The following PLEKHA2 variants were observed in gnomAD, a reference collection of about 807,000 sequenced individuals.
PLEKHA2 encodes the protein pleckstrin homology domain-containing family A member 2.
A neutral mutation model predicts 53.2 loss-of-function variants in PLEKHA2; 28 were observed. The ratio of observed to expected loss-of-function variants is 0.53; its 90% CI spans 0.39 to 0.72. The LOEUF (loss-of-function observed/expected upper bound fraction) is 0.72. Ranked by LOEUF, PLEKHA2 falls within the 30% of genes least tolerant of loss-of-function variation. The pLI is 0.00. For synonymous variants in PLEKHA2, 193 were observed against 196.4 expected, an observed-to-expected ratio of 0.98 and a Z score of 0.14; for missense variants, 426 against 537.9, an observed-to-expected ratio of 0.79 and a Z score of 2.06.
chr8:38,958,461 G>A (rs1406752841), intron 10 of PLEKHA2, among the ~76,000 whole-genome samples: 1 of 152,200 alleles, frequency 6.6e-6, no homozygotes, highest in African/African-American at 2.4e-5. Context: ...TCCCTGTTAA[G>A]CAACCTCCCT....
At chr8:38,952,803 A>C in intron 8 of PLEKHA2, 99 bp downstream of exon 8, 1 of 1,254,280 alleles carries the variant, frequency 8.0e-7, no homozygotes, top group Non-Finnish European at 1.1e-6. Flanking sequence ...AGATGTGGGC[A>C]CACAAAGACT....
intron 10 of PLEKHA2, 71 bp from the exon 11 acceptor site, chr8:38,968,521 T>G: frequency 1.4e-6 from 2 of 1,441,834 alleles, no homozygotes; most frequent in Non-Finnish European, 2.0e-6. Context: ...AACTTAATAT[T>G]GAGTCAGAGA....
intron 1 of PLEKHA2, among the ~76,000 whole-genome samples, chr8:38,908,100 T>G (rs1173507709): frequency 6.6e-6 from 1 of 152,204 alleles, no homozygotes; most frequent in Non-Finnish European, 1.5e-5. Flanking sequence ...GGTCCCCATT[T>G]CCTTTTCCCA....
At chr8:38,913,436 C>T (rs142268054) in intron 1 of PLEKHA2, among the ~76,000 whole-genome samples, 40 of 151,984 alleles carry the variant, frequency 2.6e-4, no homozygotes, top group Non-Finnish European at 4.7e-4. Context: ...ATTTGAAAGC[C>T]AATGTTCAGC....
intron 2 of PLEKHA2, among the ~76,000 whole-genome samples, chr8:38,920,488 T>A (rs1001436711): frequency 6.6e-6 from 1 of 151,778 alleles, no homozygotes; most frequent in African/African-American, 2.4e-5. Context: ...TTGGCCAGGC[T>A]GGTCTTGAAC....
intron 3 of PLEKHA2, among the ~76,000 whole-genome samples, chr8:38,937,015 C>T (rs2129419332): frequency 6.6e-6 from 1 of 152,306 alleles, no homozygotes. Context: ...TTGTAACAAG[C>T]TTTGGGAGTC....
At chr8:38,935,183 AT>A (rs955772942) in intron 2 of PLEKHA2, among the ~76,000 whole-genome samples, 1 of 151,554 alleles carries the variant, frequency 6.6e-6, no homozygotes, top group Non-Finnish European at 1.5e-5. Context: ...CCGGCTCTAT[AT>A]TTTTAGCAGA....
At chr8:38,968,318 G>A (rs1835178821) in intron 10 of PLEKHA2, among the ~76,000 whole-genome samples, 2 of 152,194 alleles carry the variant, frequency 1.3e-5, no homozygotes, top group African/African-American at 4.8e-5. Flanking sequence ...ATGGACTTCA[G>A]CAGCGGATAG....
At chr8:38,924,540 T>C (rs763637353) in intron 2 of PLEKHA2, among the ~76,000 whole-genome samples, 11 of 152,192 alleles carry the variant, frequency 7.2e-5, no homozygotes, top group Non-Finnish European at 1.3e-4. Context: ...GGGTGAGTCA[T>C]GCCTCAGCCT....
intron 10 of PLEKHA2, among the ~76,000 whole-genome samples, chr8:38,966,876 T>C (rs1468385988): frequency 6.6e-6 from 1 of 152,184 alleles, no homozygotes; most frequent in Non-Finnish European, 1.5e-5. Flanking sequence ...GTCTGGGCTT[T>C]TGCTGTAACC....
intron 3 of PLEKHA2, among the ~76,000 whole-genome samples, chr8:38,941,176 C>T (rs1834605568): frequency 6.6e-6 from 1 of 152,032 alleles, no homozygotes. Flanking sequence ...CCTGCCTCGG[C>T]CTCCCAAGTA....
intron 1 of PLEKHA2, among the ~76,000 whole-genome samples, chr8:38,915,594 G>A (rs899625632): frequency 6.6e-6 from 1 of 152,194 alleles, no homozygotes; most frequent in Admixed American, 6.5e-5. Flanking sequence ...TAAAGACCCT[G>A]TCTCCAAATA....
In PLEKHA2 at chr8:38,969,752, A is replaced by T. The variant is rs1306311480; in HGVS notation, c.1247A>T (p.Asp416Val). Residue 416 changes from aspartate to valine, a missense_variant, in exon 12 of 12, where the codon GAT (aspartate) becomes GTT (valine). Asp to Val is a radical substitution (Grantham distance 152, BLOSUM62 -3). Transcript: ENST00000617275. ...PKEKPFMFNLDDENIRTSDV is the reference protein window; with the variant it reads ...PKEKPFMFNLVDENIRTSDV ...GAGAAGCCGTTTATGTTCAACCTTG[A>T]TGATGAAAACATACGGACCTCTGAT... The T allele has an allele frequency of 3.1e-6, 4 of 1,296,898 alleles. No homozygotes were observed. The highest frequency in any genetic ancestry group is 4.1e-6 in the Non-Finnish European group (4 of 986,438). 80.3% of individuals were successfully genotyped at this position (1,296,898 alleles called of 1,614,324 possible). A position where few individuals can be genotyped will look rare whatever the true frequency, so the allele number is the denominator to read the frequency against.
intron 1 of PLEKHA2, 100 bp downstream of exon 1, chr8:38,901,545 T>A (rs1243451941): frequency 1.3e-5 from 2 of 151,258 alleles, no homozygotes. Flanking sequence ...GGCGGAGGCC[T>A]GGCGGCCTAG....
rs1835287292 is a variant in PLEKHA2 at position 38,973,373 on chromosome 8, A to C, written c.*3590A>C. On this transcript the variant is annotated 3_prime_UTR_variant, in exon 12 of 12. Coordinates refer to ENST00000617275, the MANE Select transcript of PLEKHA2 (RefSeq NM_021623.2). ...TTTTTTCTTTTATATTTCTGAATAT[A>C]AATATACTCTTATATGGGCTAAAAA... The C allele has an allele frequency of 6.6e-6, 1 of 152,036 alleles. No individual in the cohort carries two copies. Among genetic ancestry groups the C allele is most frequent in the Non-Finnish European group, 1.5e-5 (1 of 68,012 alleles). The allele number at this position is 152,036 out of a possible 1,614,324, so 9.4% of individuals were successfully genotyped here. A position where few individuals can be genotyped will look rare whatever the true frequency, so the allele number is the denominator to read the frequency against.
intron 5 of PLEKHA2, among the ~76,000 whole-genome samples, chr8:38,946,956 A>T (rs1261135148): frequency 6.6e-6 from 1 of 152,138 alleles, no homozygotes; most frequent in East Asian, 1.9e-4. Context: ...CTTATGTTTG[A>T]GGGGCTTCCA....
intron 1 of PLEKHA2, among the ~76,000 whole-genome samples, chr8:38,916,791 A>C (rs1188962994): frequency 2.0e-5 from 3 of 152,234 alleles, no homozygotes; most frequent in Non-Finnish European, 4.4e-5. Flanking sequence ...TATACCCAGC[A>C]GTGGGATTGC....
chr8:38,943,864 C>A, intron 4 of PLEKHA2, 27 bp downstream of exon 4: 1 of 1,548,112 alleles, frequency 6.5e-7, no homozygotes, highest in Non-Finnish European at 8.7e-7. Flanking sequence ...GGGAGGGACT[C>A]ATTTAATATT....
intron 4 of PLEKHA2, among the ~76,000 whole-genome samples, chr8:38,944,590 A>G (rs752462897): frequency 2.4e-4 from 36 of 152,286 alleles, no homozygotes; most frequent in Non-Finnish European, 4.6e-4. Context: ...GGGAGGTGCT[A>G]TGCATATTTA....
Sources: allele counts gnomAD v4.1 joint callset (sites outside exome capture counted in the v4.1 genomes callset), GRCh38; gene constraint gnomAD v4.1.1; transcripts MANE v1.5; gene names NCBI Gene and HGNC (gene_info 2026-07-23, HGNC 2026-07-21).